Variants in WARS2 observed in about 807,000 individuals in gnomAD.
WARS2 encodes tryptophan--tRNA ligase, mitochondrial.
In WARS2, 28 loss-of-function variants were observed where a neutral mutation model predicts 36.5. The ratio of observed to expected loss-of-function variants is 0.77; its 90% CI spans 0.57 to 1.05. WARS2 has a LOEUF of 1.05. Ranked by LOEUF, WARS2 falls within the 50% of genes least tolerant of loss-of-function variation. The probability of loss-of-function intolerance (pLI) is 0.00; values close to 1 mark genes in which losing one functional copy is unlikely to be tolerated. For missense variants in WARS2, 435 were observed against 456.8 expected, an observed-to-expected ratio of 0.95 and a Z score of 0.44; for synonymous variants, 174 against 178.4, an observed-to-expected ratio of 0.98 and a Z score of 0.20.
intron 2 of WARS2, among the ~76,000 whole-genome samples, chr1:119,055,747 GAGGA>G (rs980361068): frequency 4.0e-5 from 6 of 150,588 alleles, no homozygotes; most frequent in South Asian, 4.3e-4. Flanking sequence ...GGGAGGGAGG[GAGGA>G]AGGAAGGAAG....
At chr1:119,047,734 G>T (rs1430159265) in intron 2 of WARS2, among the ~76,000 whole-genome samples, 1 of 152,142 alleles carries the variant, frequency 6.6e-6, no homozygotes, top group South Asian at 2.1e-4. Context: ...AGGAAAAATG[G>T]TATCTAAATA....
Position 119,033,320 on chromosome 1 carries a change from G to C in WARS2, c.674C>G (p.Ala225Gly). 1 of 1,614,184 alleles carries C rather than the reference G, an allele frequency of 6.2e-7. No homozygotes were observed. Among genetic ancestry groups the C allele is most frequent in the Non-Finnish European group, 8.5e-7 (1 of 1,180,030 alleles). ...KKVKSLRDPS[A>G]KMSKSDPDKL... ...GTCAGGGTCTGATTTCGACATTTTG[G>C]CAGAAGGATCACGTAGGGATTTTAC... Residue 225 changes from alanine (A) to glycine (G), a missense_variant, in exon 6 of 6, where the codon GCC (alanine) becomes GGC (glycine). Physicochemically the swap from Ala to Gly is moderately conservative, Grantham distance 60. Transcript: ENST00000235521.
At chr1:119,095,816 C>T (rs1234021717) in intron 1 of WARS2, among the ~76,000 whole-genome samples, 1 of 152,180 alleles carries the variant, frequency 6.6e-6, no homozygotes, top group Admixed American at 6.5e-5. Flanking sequence ...AAGAAACTGG[C>T]AATCTATATA....
intron 1 of WARS2, among the ~76,000 whole-genome samples, chr1:119,109,854 T>TAA (rs1291389244): frequency 2.0e-5 from 3 of 151,824 alleles, no homozygotes; most frequent in Admixed American, 6.6e-5. Flanking sequence ...AATTGGGCAT[T>TAA]TTATATGATT....
chr1:119,133,879 C>A (rs961405755), intron 1 of WARS2, among the ~76,000 whole-genome samples: 1 of 151,744 alleles, frequency 6.6e-6, no homozygotes, highest in Non-Finnish European at 1.5e-5. Context: ...GTTTAATCAA[C>A]GAGTAAAAAT....
chr1:119,061,800 A>G (rs1289526546), intron 2 of WARS2, among the ~76,000 whole-genome samples: 1 of 152,140 alleles, frequency 6.6e-6, no homozygotes, highest in South Asian at 2.1e-4. Flanking sequence ...CACCTGCTCC[A>G]TGAGACTCTG....
chr1:119,054,392 C>T (rs2101169322), intron 2 of WARS2, among the ~76,000 whole-genome samples: 1 of 151,998 alleles, frequency 6.6e-6, no homozygotes, highest in Non-Finnish European at 1.5e-5. Context: ...ATATATATCT[C>T]CCAGAAAATA....
chr1:119,040,218 A>G (rs961346422), intron 4 of WARS2, among the ~76,000 whole-genome samples: 13 of 152,226 alleles, frequency 8.5e-5, no homozygotes, highest in African/African-American at 3.1e-4. Context: ...AGATGTTCCA[A>G]AGTCAACTGA....
intron 2 of WARS2, among the ~76,000 whole-genome samples, chr1:119,071,998 C>A (rs1651356630): frequency 6.6e-6 from 1 of 152,036 alleles, no homozygotes; most frequent in East Asian, 1.9e-4. Flanking sequence ...GACTTTTTTT[C>A]TTGATTTTTG....
chr1:119,111,404 T>A (rs998162880), intron 1 of WARS2, among the ~76,000 whole-genome samples: 3 of 152,084 alleles, frequency 2.0e-5, no homozygotes, highest in African/African-American at 7.2e-5. Flanking sequence ...CCCTCTTAGG[T>A]GAGACAGGAT....
rs561708319 is a variant in WARS2, at chr1:119,053,937, G to A, written c.349-8275C>T. ...CTAGGCATAGAGGTATGTACCTGTA[G>A]TCCCAGCTACTCAGGAGGCTGAGGC... On this transcript the variant is annotated intron_variant, in intron 2 of 5. Transcript: ENST00000235521. Among the ~76,000 whole-genome samples, 15 of 152,036 alleles carry A rather than the reference G, an allele frequency of 9.9e-5. No individual in the cohort carries two copies. The South Asian group carries it at 3.1e-3, about 32-fold the overall frequency.
At chr1:119,056,753 G>A (rs994817561) in intron 2 of WARS2, among the ~76,000 whole-genome samples, 16 of 151,738 alleles carry the variant, frequency 1.1e-4, no homozygotes, top group Non-Finnish European at 2.2e-4. Context: ...GATCAGTTTT[G>A]TTACTGTGGA....
chr1:119,087,252 C>T (rs1409980090), intron 1 of WARS2, among the ~76,000 whole-genome samples: 1 of 152,002 alleles, frequency 6.6e-6, no homozygotes. Flanking sequence ...CTTTATATAC[C>T]CAGTAAATAG....
At chr1:119,054,911 T>G (rs1277061275) in intron 2 of WARS2, among the ~76,000 whole-genome samples, 2 of 152,080 alleles carry the variant, frequency 1.3e-5, no homozygotes, top group African/African-American at 4.8e-5. Flanking sequence ...GAGAGGGGAA[T>G]GAGTTATTGT....
chr1:119,128,949 CT>C (rs1557758771), intron 1 of WARS2, among the ~76,000 whole-genome samples: 1 of 152,148 alleles, frequency 6.6e-6, no homozygotes. Context: ...GAAATATGGT[CT>C]GCTAAAGAAG....
intron 1 of WARS2, among the ~76,000 whole-genome samples, chr1:119,102,624 C>G (rs928352590): frequency 6.6e-6 from 1 of 152,050 alleles, no homozygotes. Context: ...AGAGGTTTAC[C>G]CCCATCTTGG....
intron 1 of WARS2, among the ~76,000 whole-genome samples, chr1:119,138,225 G>C (rs775944177): frequency 2.0e-5 from 3 of 152,020 alleles, no homozygotes; most frequent in Admixed American, 2.0e-4. Context: ...ACATATTTCT[G>C]CATCTGTTCA....
intron 4 of WARS2, among the ~76,000 whole-genome samples, chr1:119,034,459 A>G (rs1557930358): frequency 6.6e-6 from 1 of 152,330 alleles, no homozygotes; most frequent in East Asian, 1.9e-4. Context: ...CACCAGCATG[A>G]CAGGATCTTG....
At chr1:119,130,443 C>G (rs1254443326) in intron 1 of WARS2, among the ~76,000 whole-genome samples, 1 of 152,168 alleles carries the variant, frequency 6.6e-6, no homozygotes, top group East Asian at 1.9e-4. Flanking sequence ...ACAATTAGGG[C>G]CAGAGTGACA....
Sources: allele counts gnomAD v4.1 joint callset (sites outside exome capture counted in the v4.1 genomes callset), GRCh38; gene constraint gnomAD v4.1.1; transcripts MANE v1.5; gene names NCBI Gene and HGNC (gene_info 2026-07-23, HGNC 2026-07-21).